CACNA1C: variants seen among roughly 807,000 people sequenced by gnomAD.
CACNA1C encodes calcium voltage-gated channel subunit alpha1 C.
A neutral mutation model predicts 229.0 loss-of-function variants in CACNA1C; 30 were observed. The observed-to-expected ratio is 0.13, with a 90% CI of 0.10 to 0.18. The LOEUF (loss-of-function observed/expected upper bound fraction) is 0.18. Among genes scored for constraint, CACNA1C ranks in the 10% least tolerant of loss-of-function variants. CACNA1C has a pLI of 1.00. For missense variants in CACNA1C, 1,658 were observed against 2,845.0 expected, an observed-to-expected ratio of 0.58 and a Z score of 9.49; for synonymous variants, 1,114 against 1,132.5, an observed-to-expected ratio of 0.98 and a Z score of 0.33.
At chr12:2,480,912 C>G (rs796372165) in intron 5 of CACNA1C, among the ~76,000 whole-genome samples, 70 of 152,328 alleles carry the variant, frequency 4.6e-4, no homozygotes, top group African/African-American at 1.6e-3. Context: ...GCAATGATCT[C>G]CAATTCTAGG....
chr12:2,169,470 C>G (rs1236097567), intron 3 of CACNA1C, among the ~76,000 whole-genome samples: 3 of 152,206 alleles, frequency 2.0e-5, no homozygotes, highest in African/African-American at 7.2e-5. Flanking sequence ...AGGCCCAAGT[C>G]TAAGCACCTG....
rs111785756 is a variant in CACNA1C at position 2,163,439 on chromosome 12, C to CT, written c.477+43019dup. 7.9e-4 allele frequency among the ~76,000 whole-genome samples: 118 copies of CT among 149,090 alleles called. 2 individuals carry two copies. The highest frequency in any genetic ancestry group is 2.1e-3 in the African/African-American group (85 of 40,740). ...TCTTTGGACTCCACACCCAGCGCTC[C>CT]TTTTTTTTTTCTGTCATCTGTGATG... On this transcript the variant is annotated intron_variant, in intron 3 of 46. Coordinates refer to ENST00000399655, the MANE Select transcript of CACNA1C (RefSeq NM_000719.7).
At chr12:2,005,687 A>G (rs953348813) in intron 1 of CACNA1C, among the ~76,000 whole-genome samples, 3 of 152,264 alleles carry the variant, frequency 2.0e-5, no homozygotes, top group Non-Finnish European at 4.4e-5. Flanking sequence ...GAAAGTGTCA[A>G]TATCTCAAAG....
upstream of CACNA1C, chr12:2,049,342 T>G (rs1420754317): frequency 1.3e-5 from 2 of 152,204 alleles, no homozygotes; most frequent in Non-Finnish European, 2.9e-5. Flanking sequence ...GAGGAGCAAA[T>G]GACTTTATGT....
intron 7 of CACNA1C, among the ~76,000 whole-genome samples, chr12:2,503,123 G>A (rs1158003221): frequency 6.6e-6 from 1 of 152,226 alleles, no homozygotes; most frequent in Non-Finnish European, 1.5e-5. Context: ...AATGTGATCA[G>A]TGGTGCTCAA....
intron 3 of CACNA1C, among the ~76,000 whole-genome samples, chr12:2,446,192 T>TGGGC (rs1450407688): frequency 8.4e-6 from 1 of 119,696 alleles, no homozygotes; most frequent in Non-Finnish European, 1.8e-5. Flanking sequence ...TATATGTAGG[T>TGGGC]GGGTGGGTGG....
At chr12:2,318,447 G>A (rs4765917) in intron 3 of CACNA1C, among the ~76,000 whole-genome samples, 5,041 of 152,360 alleles carry the variant, frequency 0.033, 192 homozygotes, top group African/African-American at 0.087. Flanking sequence ...AATCCCAGTG[G>A]TGGAAGGAGG....
intron 9 of CACNA1C, among the ~76,000 whole-genome samples, chr12:2,527,074 A>G (rs775058219): frequency 1.3e-5 from 2 of 152,352 alleles, no homozygotes; most frequent in South Asian, 2.1e-4. Context: ...TTATTCTACA[A>G]GAAAGTAAGG....
intron 3 of CACNA1C, among the ~76,000 whole-genome samples, chr12:2,194,040 C>T (rs1244865906): frequency 6.6e-6 from 1 of 152,132 alleles, no homozygotes; most frequent in African/African-American, 2.4e-5. Context: ...GGACCCCAGG[C>T]AGTAAGAGGC....
At chr12:2,650,268 T>C (rs1024799461) in intron 31 of CACNA1C, among the ~76,000 whole-genome samples, 3 of 152,164 alleles carry the variant, frequency 2.0e-5, no homozygotes, top group Admixed American at 2.0e-4. Context: ...TCCTGCATAG[T>C]GAGGGGAGCG....
Position 2,679,533 on chromosome 12 carries a change from G to A in CACNA1C, c.5181G>A (p.Pro1727=), listed in dbSNP as rs370149297. 1.2e-5 allele frequency: 20 copies of A among 1,612,976 alleles called. No individual in the cohort carries two copies. Among genetic ancestry groups the A allele is most frequent in the South Asian group, 3.3e-5 (3 of 90,940 alleles). Residue 1727 remains proline (P), a synonymous_variant, in exon 42 of 47, where the codon CCG becomes CCA. Transcript: ENST00000399655. This position sits in a 1 kb window ranked among gnomAD's most constrained non-coding sequence, Gnocchi z 5.5. ...CCCAGACCTTCACCACTCAGCGCCC[G>A]CTGCACATCAACAAGGCGGGCAGCA... ...AFPQTFTTQR[P]LHINKAGSSQ...
intron 9 of CACNA1C, among the ~76,000 whole-genome samples, chr12:2,521,059 C>T (rs1174803769): frequency 6.6e-6 from 1 of 152,212 alleles, no homozygotes. Context: ...CAGGCCAAAA[C>T]GATAACCTTG....
At chr12:2,502,681 A>C (rs1012524125) in intron 7 of CACNA1C, among the ~76,000 whole-genome samples, 2 of 152,170 alleles carry the variant, frequency 1.3e-5, no homozygotes, top group African/African-American at 4.8e-5. Context: ...GTAACACTTC[A>C]TACCAGTCAG....
chr12:2,465,235 A>G (rs1597168625), intron 5 of CACNA1C, among the ~76,000 whole-genome samples: 1 of 152,358 alleles, frequency 6.6e-6, no homozygotes. Flanking sequence ...GACAACAAAT[A>G]TACTTTAAAA....
At chr12:2,143,369 A>T (rs150045376) in intron 3 of CACNA1C, among the ~76,000 whole-genome samples, 6 of 150,888 alleles carry the variant, frequency 4.0e-5, no homozygotes, top group Non-Finnish European at 7.4e-5. Context: ...TTCACTCACC[A>T]CTCACTCACT....
intron 5 of CACNA1C, among the ~76,000 whole-genome samples, chr12:2,463,917 A>G (rs1255695731): frequency 1.3e-5 from 2 of 152,354 alleles, no homozygotes; most frequent in East Asian, 1.9e-4. Context: ...ACTAAGCCAT[A>G]TGGAGGAATC....
In CACNA1C at chr12:1,984,558, C is replaced by A. The variant is rs529618344; in HGVS notation, c.139+13357C>A. 9.2e-5 allele frequency among the ~76,000 whole-genome samples: 14 copies of A among 152,122 alleles called. No individual in the cohort carries two copies. The South Asian group carries it at 2.7e-3, about 29-fold the overall frequency. ...TTGTCACATGTATCACATCCGTATA[C>A]ACTGAACCTCCTTCCTGACAATGTT... On this transcript the variant is annotated intron_variant, in intron 1 of 46. Transcript: ENST00000682462.
chr12:2,047,217 G>GT (rs1351281729), intron 1 of CACNA1C, among the ~76,000 whole-genome samples: 6 of 152,224 alleles, frequency 3.9e-5, no homozygotes, highest in African/African-American at 1.4e-4. Context: ...TACAATGGTG[G>GT]TAAGTCTCTT....
rs979001333 is a variant in CACNA1C, at chr12:2,198,556, G to A, written c.477+78126G>A. On this transcript the variant is annotated intron_variant, in intron 3 of 46. Coordinates refer to ENST00000399655, the MANE Select transcript of CACNA1C (RefSeq NM_000719.7). ...CACATCACCAAATTGTGAGGACTTC[G>A]ATTTTAAAAAACAGAAATTGAACCA... Among the ~76,000 whole-genome samples, 7 of 152,314 alleles carry A rather than the reference G, an allele frequency of 4.6e-5. No homozygotes were observed. The East Asian group carries it at 9.6e-4, about 21-fold the overall frequency.
Sources: allele counts gnomAD v4.1 joint callset (sites outside exome capture counted in the v4.1 genomes callset), GRCh38; gene constraint gnomAD v4.1.1; non-coding constraint Gnocchi (gnomAD v3.1); transcripts MANE v1.5; gene names NCBI Gene and HGNC (gene_info 2026-07-23, HGNC 2026-07-21).